Variants in SH3BP2 observed in about 807,000 individuals in gnomAD.
The protein encoded by SH3BP2 is SH3 domain binding protein 2, also known as SH3 domain-binding protein 2.
Under a neutral mutation model 56.2 loss-of-function variants are expected in SH3BP2, and 38 were observed. The ratio of observed to expected loss-of-function variants is 0.68; its 90% CI spans 0.52 to 0.89. The LOEUF is 0.89. Among genes scored for constraint, SH3BP2 ranks in the 40% least tolerant of loss-of-function variants. The probability of loss-of-function intolerance (pLI) is 0.00; values close to 1 mark genes in which losing one functional copy is unlikely to be tolerated. For missense variants in SH3BP2, 748 were observed against 762.6 expected (o/e 0.98, Z 0.23); for synonymous variants, 346 against 316.7 (o/e 1.09, Z -0.98).
At chr4:2,796,582 C>A in intron 1 of SH3BP2, 1 of 466,436 alleles carries the variant, frequency 2.1e-6, no homozygotes, top group Non-Finnish European at 2.8e-6. Context: ...CTGGGGAGAT[C>A]AGAGGAGCCC....
intron 12 of SH3BP2, 144 bp downstream of exon 12, chr4:2,833,193 G>A (rs756356183): frequency 2.5e-4 from 188 of 741,820 alleles, no homozygotes; most frequent in Non-Finnish European, 4.0e-4. Flanking sequence ...CTCCACCATC[G>A]CTCACCCCCC....
rs1447351005 is a variant in SH3BP2, at chr4:2,824,606, C to G, written c.240-7C>G. 2 of 1,604,404 alleles carry G rather than the reference C, an allele frequency of 1.2e-6. No homozygotes were observed. Among genetic ancestry groups the G allele is most frequent in the Non-Finnish European group, 1.7e-6 (2 of 1,172,086 alleles). On this transcript the variant is annotated splice_polypyrimidine_tract_variant and splice_region_variant and intron_variant, in intron 3 of 12. Coordinates refer to ENST00000503393, the MANE Select transcript of SH3BP2 (RefSeq NM_001122681.2). ...CCAGGCCGTGACCCCTGGCGCTGTG[C>G]CCCCAGGGTGATGCGGGCGGCTGAG...
chr4:2,832,513 T>C, intron 11 of SH3BP2, 101 bp downstream of exon 11: 1 of 867,816 alleles, frequency 1.2e-6, no homozygotes, highest in Non-Finnish European at 2.0e-6. Context: ...ACTCCCCTTG[T>C]GGACTCTTAC....
intron 1 of SH3BP2, among the ~76,000 whole-genome samples, chr4:2,807,224 G>A (rs1039903936): frequency 2.0e-5 from 3 of 152,186 alleles, no homozygotes; most frequent in Non-Finnish European, 2.9e-5. Flanking sequence ...CCTCAGCTGC[G>A]GCCGTGCTGC....
intron 4 of SH3BP2, 48 bp downstream of exon 4, chr4:2,824,778 C>A: frequency 7.1e-7 from 1 of 1,401,426 alleles, no homozygotes; most frequent in Non-Finnish European, 1.0e-6. Context: ...GGGTGTGGGC[C>A]TGCAGGCACC....
In SH3BP2 at chr4:2,829,357, G is replaced by A. The variant is rs1213623043; in HGVS notation, c.587-136G>A. 7 of 851,568 alleles carry A rather than the reference G, an allele frequency of 8.2e-6. No individual in the cohort carries two copies. Among genetic ancestry groups the A allele is most frequent in the Middle Eastern group, 3.3e-4 (1 of 2,986 alleles). The allele number at this position is 851,568 out of a possible 1,614,324, so 52.8% of individuals were successfully genotyped here. On this transcript the variant is annotated intron_variant, in intron 7 of 12. Coordinates refer to ENST00000503393, the MANE Select transcript of SH3BP2 (RefSeq NM_001122681.2). This position sits in a 1 kb window ranked among gnomAD's most constrained non-coding sequence, Gnocchi z 4.9. ...GGCAGGATGGGAGTGCTGGGTGCTG[G>A]GCTGCTGGGTGGGCAGGCTGTGGGG...
At chr4:2,793,543 CA>C (rs1722966366) in intron 1 of SH3BP2, among the ~76,000 whole-genome samples, 1 of 151,042 alleles carries the variant, frequency 6.6e-6, no homozygotes, top group Non-Finnish European at 1.5e-5. Context: ...GCCGGGGGCT[CA>C]GGGGTGGGAG....
chr4:2,824,768 G>T, intron 4 of SH3BP2, 38 bp downstream of exon 4: 1 of 1,479,252 alleles, frequency 6.8e-7, no homozygotes. Flanking sequence ...AGGTGACTGG[G>T]GGTGTGGGCC....
intron 2 of SH3BP2, 146 bp from the exon 3 acceptor site, chr4:2,822,789 C>T: frequency 2.9e-6 from 2 of 689,164 alleles, no homozygotes; most frequent in Non-Finnish European, 5.3e-6. Context: ...GAGGGGGCAG[C>T]ATGCCAGCCT....
At chr4:2,815,644 C>A (rs551047183) in intron 1 of SH3BP2, among the ~76,000 whole-genome samples, 2 of 152,208 alleles carry the variant, frequency 1.3e-5, no homozygotes, top group African/African-American at 4.8e-5. Flanking sequence ...ACACACAGGC[C>A]AGGTCTTATA....
rs2108728412 is a variant in SH3BP2 at position 2,822,997 on chromosome 4, G to A, written c.199G>A (p.Ala67Thr). ...CTACTACTTCAAGAGTAGCACCTCT[G>A]CCTCCCCGCAGGGCGCCTTCTCCCT... ...CVYYFKSSTS[A>T]SPQGAFSLSG... is the part of the protein sequence containing the mutation. The change falls in exon 3 of 13, where the codon GCC becomes ACC. Residue 67 changes from alanine to threonine, a missense_variant. Around this residue, in one of 3 missense-constraint regions of SH3BP2, gnomAD observed 104 missense variants for 123.1 expected, o/e 0.84. Coordinates refer to ENST00000503393, the MANE Select transcript of SH3BP2 (RefSeq NM_001122681.2). 1 of 1,614,100 alleles carries A rather than the reference G, an allele frequency of 6.2e-7. No homozygotes were observed. The highest frequency in any genetic ancestry group is 1.1e-5 in the South Asian group (1 of 91,072).
chr4:2,796,872 G>A (rs867568534), intron 1 of SH3BP2, among the ~76,000 whole-genome samples: 3 of 152,234 alleles, frequency 2.0e-5, no homozygotes, highest in South Asian at 2.1e-4. Flanking sequence ...GGCAGGGGCC[G>A]AGGGAAGCGG....
At chr4:2,833,596 G>A (rs1481921472) in intron 12 of SH3BP2, 101 bp from the exon 13 acceptor site, 28 of 1,475,996 alleles carry the variant, frequency 1.9e-5, no homozygotes, top group South Asian at 1.5e-4. Flanking sequence ...TGGTGATGCC[G>A]CTGTTGATGC....
chr4:2,815,874 A>C (rs1723971844), intron 1 of SH3BP2, among the ~76,000 whole-genome samples: 1 of 152,200 alleles, frequency 6.6e-6, no homozygotes, highest in South Asian at 2.1e-4. Context: ...GGGGCAGAGA[A>C]GGCTATGCTA....
At chr4:2,825,403 C>T (rs968067144) in intron 5 of SH3BP2, among the ~76,000 whole-genome samples, 10 of 150,564 alleles carry the variant, frequency 6.6e-5, no homozygotes, top group Non-Finnish European at 1.3e-4. Flanking sequence ...CACAGACGAG[C>T]GACACGCGGA....
Position 2,806,702 on chromosome 4 carries a change from C to G in SH3BP2, c.-5+13564C>G, listed in dbSNP as rs568805771. The stretch of plus-strand genomic sequence containing the variant: ...CAGCCAGTGTACGGCCCCTGCCTGG[C>G]CAGGCCAGAGCTCCGCCTAGGGCAA... On this transcript the variant is annotated intron_variant, in intron 1 of 12. Coordinates refer to ENST00000503393, the MANE Select transcript of SH3BP2 (RefSeq NM_001122681.2). Among the ~76,000 whole-genome samples, 3 of 152,362 alleles carry G rather than the reference C, an allele frequency of 2.0e-5. No homozygotes were observed. The East Asian group carries it at 5.8e-4, about 29-fold the overall frequency.
At chr4:2,793,837 TA>T (rs1279915632) in intron 1 of SH3BP2, 1 of 152,306 alleles carries the variant, frequency 6.6e-6, no homozygotes, top group African/African-American at 2.4e-5. Flanking sequence ...CTGGAGGAGT[TA>T]GGGGGCGGGG....
At position 2,827,241 on chromosome 4, in the gene SH3BP2, C is replaced by T. The variant is rs150461713; in HGVS notation, c.440C>T (p.Ser147Leu). 76 of 1,614,132 alleles carry T rather than the reference C, an allele frequency of 4.7e-5. No individual in the cohort carries two copies. Among genetic ancestry groups the T allele is most frequent in the Non-Finnish European group, 5.6e-5 (66 of 1,180,012 alleles). The stretch of plus-strand genomic sequence containing the variant: ...ACCCTGCATTGCAGCGACTCCAGCT[C>T]GGACACAGACAGCTTCTACGGCGCA... ...DLPLDTSDSSSDTDSFYGAVE... is the reference protein window; with the variant it reads ...DLPLDTSDSSLDTDSFYGAVE... Residue 147 changes from serine to leucine, a missense_variant, in exon 6 of 13, where the codon TCG (serine) becomes TTG (leucine). By Grantham distance (145) the Ser-to-Leu change is moderately radical. Around this residue, in one of 3 missense-constraint regions of SH3BP2, gnomAD observed 635 missense variants for 615.0 expected, o/e 1.03. Coordinates refer to ENST00000503393, the MANE Select transcript of SH3BP2 (RefSeq NM_001122681.2).
chr4:2,840,238 A>G lies in SH3BP2; in HGVS notation c.*6404A>G. 1 of 150,628 alleles carries G rather than the reference A, an allele frequency of 6.6e-6. No individual in the cohort carries two copies. Among genetic ancestry groups the G allele is most frequent in the East Asian group, 1.9e-4 (1 of 5,150 alleles). The allele number at this position is 150,628 out of a possible 1,614,324, so 9.3% of individuals were successfully genotyped here. A position where few individuals can be genotyped will look rare whatever the true frequency, so the allele number is the denominator to read the frequency against. ...AGACCCTATCTCAAAAAAAACCAAA[A>G]AAAAAAAAAAAAAAAAGAAAACCAC... On this transcript the variant is annotated 3_prime_UTR_variant, in exon 13 of 13. Coordinates refer to ENST00000503393, the MANE Select transcript of SH3BP2 (RefSeq NM_001122681.2).
Sources: allele counts gnomAD v4.1 joint callset (sites outside exome capture counted in the v4.1 genomes callset), GRCh38; gene constraint gnomAD v4.1.1; regional missense constraint gnomAD v4.1.1; non-coding constraint Gnocchi (gnomAD v3.1); transcripts MANE v1.5; gene names NCBI Gene and HGNC (gene_info 2026-07-23, HGNC 2026-07-21).